The following HPSE2 variants were observed in gnomAD, a reference collection of about 807,000 sequenced individuals.
The protein encoded by HPSE2 is inactive heparanase-2.
A neutral mutation model predicts 60.5 loss-of-function variants in HPSE2; 38 were observed. That is an observed-to-expected ratio of 0.63 (90% CI 0.48 to 0.82). The LOEUF (loss-of-function observed/expected upper bound fraction) is 0.82. Among genes scored for constraint, HPSE2 ranks in the 40% least tolerant of loss-of-function variants. The pLI is 0.00. For missense variants in HPSE2, 713 were observed against 740.4 expected (o/e 0.96, Z 0.43); for synonymous variants, 295 against 293.2 (o/e 1.01, Z -0.06).
intron 3 of HPSE2, among the ~76,000 whole-genome samples, chr10:99,010,345 G>T (rs1445201027): frequency 6.6e-6 from 1 of 152,242 alleles, no homozygotes; most frequent in East Asian, 1.9e-4. Flanking sequence ...CTTCACCTTT[G>T]CCTAGAAGCA....
At chr10:98,739,387 G>A (rs568112952) in intron 4 of HPSE2, among the ~76,000 whole-genome samples, 17 of 151,284 alleles carry the variant, frequency 1.1e-4, no homozygotes, top group African/African-American at 4.1e-4. Flanking sequence ...AGGTTGATGG[G>A]TACAGCAAAC....
chr10:99,072,463 C>T (rs1842823129), intron 3 of HPSE2, among the ~76,000 whole-genome samples: 1 of 152,056 alleles, frequency 6.6e-6, no homozygotes, highest in South Asian at 2.1e-4. Flanking sequence ...TGAAAAAGAA[C>T]AACCAACCCC....
At chr10:98,714,663 C>T (rs1234697220) in intron 5 of HPSE2, among the ~76,000 whole-genome samples, 4 of 151,828 alleles carry the variant, frequency 2.6e-5, no homozygotes, top group South Asian at 2.1e-4. Flanking sequence ...TGAATATTTG[C>T]GTACAAGTTT....
intron 9 of HPSE2, among the ~76,000 whole-genome samples, chr10:98,583,777 T>C (rs1111289): frequency 0.61 from 92,232 of 152,106 alleles, 28,416 homozygotes; most frequent in Middle Eastern, 0.7. Context: ...ATTCACCTAT[T>C]CTGGACATTT....
At position 98,459,460 on chromosome 10, in the gene HPSE2, G is replaced by T; in HGVS notation, c.*114C>A. ...GAGCAAGTCTGTGTTGATTCCAGCA[G>T]GATGGGGCAGCAGGGGCTGGTTGCT... On this transcript the variant is annotated 3_prime_UTR_variant, in exon 12 of 12. Transcript: ENST00000370552. The T allele has an allele frequency of 8.9e-7, 1 of 1,128,826 alleles. No homozygotes were observed. Among genetic ancestry groups the T allele is most frequent in the Non-Finnish European group, 1.4e-6 (1 of 740,296 alleles). The allele number at this position is 1,128,826 out of a possible 1,614,324, so 69.9% of individuals were successfully genotyped here.
chr10:98,459,636 G>C lies in HPSE2; in HGVS notation c.1717C>G (p.Pro573Ala), dbSNP rs1940191826. The C allele has an allele frequency of 6.2e-7, 1 of 1,614,076 alleles. No individual in the cohort carries two copies. The highest frequency in any genetic ancestry group is 1.3e-5 in the African/African-American group (1 of 74,940). ...ACCACATAAAAGCCCATGGTGACTG[G>C]AGGGATGACCAATGTCCGGCCGGCC... ...LRAGRTLVIP[P>A]VTMGFYVVKN... The change falls in exon 12 of 12, where the codon CCA becomes GCA. Residue 573 changes from proline to alanine, a missense_variant. Pro to Ala is a conservative substitution (Grantham distance 27). Transcript: ENST00000370552.
intron 3 of HPSE2, among the ~76,000 whole-genome samples, chr10:99,033,590 G>A (rs907096330): frequency 6.6e-6 from 1 of 152,068 alleles, no homozygotes; most frequent in African/African-American, 2.4e-5. Context: ...AGACCATCCT[G>A]GCTAACACGG....
chr10:98,697,492 G>C (rs1948258143), intron 5 of HPSE2, among the ~76,000 whole-genome samples: 1 of 152,122 alleles, frequency 6.6e-6, no homozygotes, highest in South Asian at 2.1e-4. Flanking sequence ...AACCCTCTGG[G>C]AAATATGGGA....
intron 3 of HPSE2, among the ~76,000 whole-genome samples, chr10:99,136,234 G>C (rs1304112767): frequency 6.6e-6 from 1 of 152,152 alleles, no homozygotes. Flanking sequence ...TTCGGAAATT[G>C]AAGCAGTAAT....
At chr10:99,117,241 T>C (rs181937070) in intron 3 of HPSE2, among the ~76,000 whole-genome samples, 5 of 149,362 alleles carry the variant, frequency 3.3e-5, no homozygotes, top group Middle Eastern at 3.4e-3. Context: ...AGTAGATAAT[T>C]CACAGAATAA....
chr10:98,727,675 A>G (rs557410638), intron 4 of HPSE2, among the ~76,000 whole-genome samples: 35 of 146,420 alleles, frequency 2.4e-4, no homozygotes, highest in African/African-American at 8.4e-4. Context: ...AAAAACAACA[A>G]CAACAAAAAA....
At chr10:99,252,603 G>A in the HPSE2 span, among the ~76,000 whole-genome samples, 46 of 152,210 alleles carry the variant, frequency 3.0e-4, no homozygotes, top group African/African-American at 1.0e-3. Context: ...CCGGCCAGGC[G>A]CAGTGGCTCA....
chr10:98,883,108 G>C (rs1953071898), intron 3 of HPSE2, among the ~76,000 whole-genome samples: 1 of 152,116 alleles, frequency 6.6e-6, no homozygotes, highest in Non-Finnish European at 1.5e-5. Context: ...CTATCATATG[G>C]AAGAGAGAGA....
intron 6 of HPSE2, among the ~76,000 whole-genome samples, chr10:98,659,391 G>T (rs1947164691): frequency 6.6e-6 from 1 of 152,110 alleles, no homozygotes; most frequent in Admixed American, 6.6e-5. Flanking sequence ...AAACTACATT[G>T]TTTAAGAGTC....
At chr10:98,608,538 C>T (rs1429070995) in intron 9 of HPSE2, among the ~76,000 whole-genome samples, 2 of 152,212 alleles carry the variant, frequency 1.3e-5, no homozygotes, top group Admixed American at 6.5e-5. Flanking sequence ...CTGATTTGAG[C>T]AGCCAGGGTT....
At chr10:98,918,938 T>C (rs1439520674) in intron 3 of HPSE2, among the ~76,000 whole-genome samples, 1 of 152,128 alleles carries the variant, frequency 6.6e-6, no homozygotes, top group Non-Finnish European at 1.5e-5. Flanking sequence ...GTTCAACCAA[T>C]ATTTATTGAG....
chr10:99,087,945 C>T (rs1183089153), intron 3 of HPSE2, among the ~76,000 whole-genome samples: 1 of 151,664 alleles, frequency 6.6e-6, no homozygotes, highest in Non-Finnish European at 1.5e-5. Context: ...CCCTTCCATC[C>T]CTTAATTCCT....
At chr10:99,060,268 G>A (rs1208877499) in intron 3 of HPSE2, among the ~76,000 whole-genome samples, 1 of 152,074 alleles carries the variant, frequency 6.6e-6, no homozygotes, top group Non-Finnish European at 1.5e-5. Flanking sequence ...GCTTAGAAGA[G>A]GTGGAGCAAG....
At chr10:98,958,167 TTC>T (rs1287563857) in intron 3 of HPSE2, among the ~76,000 whole-genome samples, 6 of 152,194 alleles carry the variant, frequency 3.9e-5, no homozygotes, top group African/African-American at 1.4e-4. Context: ...TCAGAGGGTT[TTC>T]TTTGTCTATG....
Sources: allele counts gnomAD v4.1 joint callset (sites outside exome capture counted in the v4.1 genomes callset), GRCh38; gene constraint gnomAD v4.1.1; transcripts MANE v1.5; gene names NCBI Gene and HGNC (gene_info 2026-07-23, HGNC 2026-07-21).